Variants in TNPO1 observed in about 807,000 individuals in gnomAD.
TNPO1 encodes transportin 1, also known as transportin-1.
TNPO1 carries 8 observed loss-of-function variants against 119.5 expected under a neutral mutation model. The observed-to-expected ratio is 0.07, with a 90% CI of 0.04 to 0.12. The LOEUF is 0.12. Ranked by LOEUF, TNPO1 falls within the 10% of genes least tolerant of loss-of-function variation. The probability of loss-of-function intolerance (pLI) is 1.00; values close to 1 mark genes in which losing one functional copy is unlikely to be tolerated. For synonymous variants in TNPO1, 362 were observed against 363.0 expected (o/e 1.00, Z 0.03); for missense variants, 576 against 1,089.8 (o/e 0.53, Z 6.64).
At chr5:72,869,896 A>G (rs1237052335) in intron 6 of TNPO1, among the ~76,000 whole-genome samples, 1 of 152,224 alleles carries the variant, frequency 6.6e-6, no homozygotes, top group Admixed American at 6.5e-5. Flanking sequence ...ACCAGAAATC[A>G]ATACAAGGAA....
intron 12 of TNPO1, 110 bp downstream of exon 12, chr5:72,887,332 T>C (rs1748725323): frequency 7.9e-7 from 1 of 1,260,018 alleles, no homozygotes; most frequent in Non-Finnish European, 1.1e-6. Flanking sequence ...ATAACTAGTA[T>C]TAAACAGCCA....
At chr5:72,869,272 C>T (rs965367699) in intron 6 of TNPO1, among the ~76,000 whole-genome samples, 3 of 152,064 alleles carry the variant, frequency 2.0e-5, no homozygotes, top group Non-Finnish European at 2.9e-5. Flanking sequence ...AATGGCAGGG[C>T]GTAGTGGCTC....
chr5:72,844,325 T>G (rs137921622), intron 1 of TNPO1, among the ~76,000 whole-genome samples: 7 of 152,230 alleles, frequency 4.6e-5, no homozygotes, highest in African/African-American at 1.7e-4. Context: ...AGACTCTCAA[T>G]AAATATTTGG....
chr5:72,896,370 G>T (rs1450001621), intron 18 of TNPO1, 88 bp from the exon 19 acceptor site: 4 of 740,256 alleles, frequency 5.4e-6, no homozygotes, highest in Non-Finnish European at 8.2e-6. Context: ...TTCTTGCTTA[G>T]ATTTCTGTTT....
chr5:72,820,213 A>G (rs2112155406), intron 1 of TNPO1, among the ~76,000 whole-genome samples: 1 of 152,260 alleles, frequency 6.6e-6, no homozygotes, highest in Non-Finnish European at 1.5e-5. Flanking sequence ...AACAGTTTCT[A>G]ATTTTTTTGC....
chr5:72,837,506 G>A (rs77589763), intron 1 of TNPO1, among the ~76,000 whole-genome samples: 8,017 of 152,136 alleles, frequency 0.053, 341 homozygotes, highest in Middle Eastern at 0.12. Flanking sequence ...TAATACTATC[G>A]CATTTGGAAT....
intron 24 of TNPO1, among the ~76,000 whole-genome samples, chr5:72,907,334 C>G (rs1750244146): frequency 6.6e-6 from 1 of 152,174 alleles, no homozygotes; most frequent in African/African-American, 2.4e-5. Context: ...CATGAATTAA[C>G]TGTTCTAAGA....
Position 72,873,134 on chromosome 5 carries a change from C to G in TNPO1, c.678+414C>G, listed in dbSNP as rs147060196. On this transcript the variant is annotated intron_variant, in intron 7 of 24. Coordinates refer to ENST00000337273, the MANE Select transcript of TNPO1 (RefSeq NM_002270.4). Reference sequence around the variant, plus strand: ...AATCTGAAGGCACAGACTACAAGGACAGTATTTTCCATTGGTTTCCATTGT... The same window carrying G: ...AATCTGAAGGCACAGACTACAAGGAGAGTATTTTCCATTGGTTTCCATTGT... 3.8e-3 allele frequency among the ~76,000 whole-genome samples: 579 copies of G among 152,158 alleles called. 4 individuals carry two copies. The highest frequency in any genetic ancestry group is 6.0e-3 in the Admixed American group (91 of 15,282).
intron 1 of TNPO1, among the ~76,000 whole-genome samples, chr5:72,846,959 C>T (rs1232322104): frequency 6.6e-6 from 1 of 152,042 alleles, no homozygotes; most frequent in Non-Finnish European, 1.5e-5. Flanking sequence ...ATATAATGTG[C>T]ATAAAAACAC....
chr5:72,828,706 A>G (rs926048693), intron 1 of TNPO1, among the ~76,000 whole-genome samples: 2 of 113,036 alleles, frequency 1.8e-5, no homozygotes, highest in Non-Finnish European at 3.6e-5. Context: ...CAGTTGTCCC[A>G]GTAACATCTT....
intron 1 of TNPO1, among the ~76,000 whole-genome samples, chr5:72,832,310 T>G (rs1744510637): frequency 1.3e-5 from 2 of 152,152 alleles, no homozygotes; most frequent in Non-Finnish European, 1.5e-5. Flanking sequence ...ATTATTACAT[T>G]TATTTGATTA....
chr5:72,821,673 T>C lies in TNPO1; in HGVS notation c.15+4921T>C, dbSNP rs188321189. On this transcript the variant is annotated intron_variant, in intron 1 of 24. Transcript: ENST00000337273. ...TTACATACTAGTGGAGAAAGAGATA[T>C]GTAAATAAACAAGTTCAATAAGTGT... Among the ~76,000 whole-genome samples, 321 of 152,266 alleles carry C rather than the reference T, an allele frequency of 2.1e-3. 3 individuals carry two copies. The highest frequency in any genetic ancestry group is 7.4e-3 in the African/African-American group (307 of 41,542).
At chr5:72,851,072 G>A (rs1256850330) in intron 2 of TNPO1, 172 bp from the exon 3 acceptor site, 3 of 560,432 alleles carry the variant, frequency 5.4e-6, no homozygotes, top group East Asian at 3.2e-5. Flanking sequence ...AAGCACTAGC[G>A]TGTTTTTGAA....
At chr5:72,848,519 C>T (rs1165390966) in intron 2 of TNPO1, 21 bp downstream of exon 2, 14 of 1,485,620 alleles carry the variant, frequency 9.4e-6, no homozygotes, top group African/African-American at 1.4e-5. Context: ...CGAGGCCTGG[C>T]CGCCACCCGC....
chr5:72,848,103 A>C, intron 1 of TNPO1: 1 of 1,119,852 alleles, frequency 8.9e-7, no homozygotes, highest in African/African-American at 1.6e-5. Context: ...TCTTGGGGCC[A>C]GATTGCAAAT....
intron 3 of TNPO1, among the ~76,000 whole-genome samples, chr5:72,853,532 T>C (rs1243572501): frequency 6.6e-6 from 1 of 152,208 alleles, no homozygotes; most frequent in Non-Finnish European, 1.5e-5. Flanking sequence ...CCATAAAATG[T>C]TGGAAAGGAT....
chr5:72,888,408 T>G (rs753232113), intron 13 of TNPO1, 105 bp downstream of exon 13: 1 of 1,021,920 alleles, frequency 9.8e-7, no homozygotes, highest in Non-Finnish European at 1.4e-6. Context: ...TGTTTCGTAA[T>G]TGAAAATTTT....
rs1321744575 is a variant in TNPO1, at chr5:72,887,052, A to C, written c.1151-18A>C. ...ATAAGAGGTTAATGTAATATTTTTGAATTAAATATTTCCTTAGGAAAATGT... is the reference window on the plus strand; with the variant it reads ...ATAAGAGGTTAATGTAATATTTTTGCATTAAATATTTCCTTAGGAAAATGT... On this transcript the variant is annotated intron_variant, in intron 11 of 24. Coordinates refer to ENST00000337273, the MANE Select transcript of TNPO1 (RefSeq NM_002270.4). 6.3e-7 allele frequency: 1 copy of C among 1,594,326 alleles called. No individual in the cohort carries two copies. The highest frequency in any genetic ancestry group is 1.4e-5 in the African/African-American group (1 of 73,996).
chr5:72,896,703 C>G, intron 19 of TNPO1, 147 bp downstream of exon 19: 1 of 571,464 alleles, frequency 1.7e-6, no homozygotes, highest in South Asian at 2.3e-5. Flanking sequence ...AACCCCGTCT[C>G]TACTAAAAAT....
Sources: gnomAD v4.1 joint callset for allele counts (sites outside exome capture counted in the v4.1 genomes callset) on GRCh38, gnomAD v4.1.1 for gene constraint, MANE v1.5 for transcripts, NCBI Gene and HGNC (gene_info 2026-07-23, HGNC 2026-07-21) for gene names.